The following MEI1 variants were observed in gnomAD, a reference collection of about 807,000 sequenced individuals.
MEI1 encodes the protein meiotic double-stranded break formation protein 1.
MEI1 carries 103 observed loss-of-function variants against 146.2 expected under a neutral mutation model. The ratio of observed to expected loss-of-function variants is 0.70; its 90% CI spans 0.60 to 0.83. MEI1 has a LOEUF of 0.83. MEI1 is among the 40% of genes least tolerant of loss of function. The pLI, the probability that MEI1 is intolerant of heterozygous loss-of-function variation, is 0.00. For missense variants in MEI1, 1,529 were observed against 1,533.0 expected, an observed-to-expected ratio of 1.00 and a Z score of 0.04; for synonymous variants, 652 against 628.2, an observed-to-expected ratio of 1.04 and a Z score of -0.57.
chr22:41,740,392 G>C (rs747698752), intron 11 of MEI1, among the ~76,000 whole-genome samples: 29 of 152,092 alleles, frequency 1.9e-4, no homozygotes, highest in Non-Finnish European at 4.1e-4. Context: ...GGGTGGTTCA[G>C]AGTGTCTTTG....
intron 16 of MEI1, chr22:41,753,522 G>C (rs1004034592): frequency 6.3e-6 from 1 of 158,896 alleles, no homozygotes; most frequent in African/African-American, 2.4e-5. Context: ...GAGATCATTT[G>C]TTTAACCTCT....
intron 18 of MEI1, among the ~76,000 whole-genome samples, chr22:41,762,343 A>G (rs1448876785): frequency 3.9e-5 from 4 of 103,596 alleles, no homozygotes; most frequent in Non-Finnish European, 7.6e-5. Context: ...CCCCTCCCCT[A>G]CTCTACCCTC....
At chr22:41,796,064 G>A (rs1215119569) in intron 30 of MEI1, among the ~76,000 whole-genome samples, 1 of 152,106 alleles carries the variant, frequency 6.6e-6, no homozygotes, top group African/African-American at 2.4e-5. Context: ...CAGGACCTAG[G>A]TGCACTAGTC....
At chr22:41,709,530 G>T in intron 3 of MEI1, 1 of 567,462 alleles carries the variant, frequency 1.8e-6, no homozygotes, top group East Asian at 4.3e-5. Context: ...GCTGTGCGCG[G>T]GATGCAGCGG....
intron 26 of MEI1, among the ~76,000 whole-genome samples, chr22:41,789,460 G>A (rs936341883): frequency 7.9e-5 from 12 of 152,144 alleles, no homozygotes; most frequent in Admixed American, 2.6e-4. Context: ...CACTGCACCT[G>A]GCCTTGTTTT....
rs200343916 is a variant in MEI1 at position 41,758,376 on chromosome 22, G to A, written c.1963G>A (p.Val655Met). The A allele has an allele frequency of 6.2e-7, 1 of 1,613,116 alleles. No individual in the cohort carries two copies. Among genetic ancestry groups the A allele is most frequent in the African/African-American group, 1.3e-5 (1 of 75,016 alleles). Residue 655 changes from valine to methionine, a missense_variant, in exon 18 of 31, where the codon GTG becomes ATG. Val to Met is a conservative substitution (Grantham distance 21). This residue lies in a region of MEI1 where 1,212 missense variants were observed against 1,178.9 expected (regional missense o/e 1.03). Transcript: ENST00000401548. ...TATTCCCTCCCTAGAACTCTCTGCA[G>A]TGTCTGAGCTCCTGCAGCATGGGCT... Reference protein sequence around the residue: ...GPPSKEELSAVSELLQHGLPQ... With the variant: ...GPPSKEELSAMSELLQHGLPQ...
At chr22:41,763,559 C>T (rs2074646615) in intron 19 of MEI1, among the ~76,000 whole-genome samples, 3 of 151,614 alleles carry the variant, frequency 2.0e-5, no homozygotes, top group South Asian at 4.2e-4. Flanking sequence ...ATAAGAAAAT[C>T]GGGACTGAGG....
chr22:41,758,549 T>TG lies in MEI1; in HGVS notation c.2120+19dup, dbSNP rs778725901. 6.2e-7 allele frequency: 1 copy of TG among 1,600,432 alleles called. No homozygotes were observed. Among genetic ancestry groups the TG allele is most frequent in the South Asian group, 1.1e-5 (1 of 90,300 alleles). On this transcript the variant is annotated intron_variant, in intron 18 of 30. Coordinates refer to ENST00000401548, the MANE Select transcript of MEI1 (RefSeq NM_152513.4). ...ATGAAGACAGGTCAGTGCACAGAGG[T>TG]GGGTGGCTGGTGGTGGGTCTTGGGA...
chr22:41,790,661 C>T (rs950937867), intron 26 of MEI1, among the ~76,000 whole-genome samples: 1 of 151,750 alleles, frequency 6.6e-6, no homozygotes, highest in Non-Finnish European at 1.5e-5. Context: ...GGCGCGATCT[C>T]GGCTCACTTA....
At chr22:41,739,220 T>A (rs893299762) in intron 11 of MEI1, among the ~76,000 whole-genome samples, 1 of 152,216 alleles carries the variant, frequency 6.6e-6, no homozygotes, top group Non-Finnish European at 1.5e-5. Flanking sequence ...TTCATTGACT[T>A]GCCAGTTAGA....
chr22:41,762,308 C>T (rs1046980759), intron 18 of MEI1, among the ~76,000 whole-genome samples: 1 of 150,896 alleles, frequency 6.6e-6, no homozygotes, highest in Non-Finnish European at 1.5e-5. Flanking sequence ...TCCCTCCCCT[C>T]CCTTCACCTC....
chr22:41,728,878 T>C (rs1256999293), intron 7 of MEI1, among the ~76,000 whole-genome samples: 1 of 146,882 alleles, frequency 6.8e-6, no homozygotes, highest in African/African-American at 2.6e-5. Flanking sequence ...AACAAAATAG[T>C]AATAAGGCAA....
Position 41,717,734 on chromosome 22 carries a change from G to C in MEI1, c.530-337G>C, listed in dbSNP as rs547545692. Among the ~76,000 whole-genome samples the C allele has an allele frequency of 2.6e-5, 4 of 151,158 alleles. No homozygotes were observed. In the East Asian group the frequency reaches 7.8e-4, roughly 29 times the overall value. On this transcript the variant is annotated intron_variant, in intron 5 of 30. Coordinates refer to ENST00000401548, the MANE Select transcript of MEI1 (RefSeq NM_152513.4). ...GGGTTTCAGCGATTCTCCTGCCTCA[G>C]CTTCTCAAGTAGCTGGGATTACAGG...
chr22:41,726,977 G>A (rs1302440253), intron 7 of MEI1, among the ~76,000 whole-genome samples: 2 of 151,946 alleles, frequency 1.3e-5, no homozygotes, highest in Non-Finnish European at 2.9e-5. Context: ...GTTTCACCGT[G>A]TTAGCCAGCA....
chr22:41,742,268 A>G (rs1373844875), intron 11 of MEI1, among the ~76,000 whole-genome samples: 2 of 152,142 alleles, frequency 1.3e-5, no homozygotes, highest in Non-Finnish European at 2.9e-5. Flanking sequence ...TCTGGATCTT[A>G]GTAACATTTA....
At chr22:41,761,727 A>T (rs79032527) in intron 18 of MEI1, among the ~76,000 whole-genome samples, 519 of 152,314 alleles carry the variant, frequency 3.4e-3, no homozygotes, top group African/African-American at 0.012. Context: ...AAAATGCACA[A>T]CCACCACCTT....
chr22:41,712,006 A>T (rs1391451716), intron 3 of MEI1, among the ~76,000 whole-genome samples: 1 of 151,558 alleles, frequency 6.6e-6, no homozygotes, highest in Admixed American at 6.6e-5. Flanking sequence ...GTTCGAGACC[A>T]GCCTGGCCAA....
chr22:41,709,506 A>C, intron 3 of MEI1: 1 of 603,580 alleles, frequency 1.7e-6, no homozygotes, highest in East Asian at 3.8e-5. Context: ...CAGCGACGGC[A>C]GCGGGATGTA....
intron 19 of MEI1, among the ~76,000 whole-genome samples, chr22:41,768,376 G>A (rs908592583): frequency 7.5e-6 from 1 of 133,654 alleles, no homozygotes; most frequent in Non-Finnish European, 1.6e-5. Context: ...GTGACATAGT[G>A]AGACCCTGTC....
Sources: allele counts gnomAD v4.1 joint callset (sites outside exome capture counted in the v4.1 genomes callset), GRCh38; gene constraint gnomAD v4.1.1; regional missense constraint gnomAD v4.1.1; transcripts MANE v1.5; gene names NCBI Gene and HGNC (gene_info 2026-07-23, HGNC 2026-07-21).